PLXNA2: variants seen among roughly 807,000 people sequenced by gnomAD.
The protein encoded by PLXNA2 is plexin A2.
Under a neutral mutation model 193.5 loss-of-function variants are expected in PLXNA2, and 91 were observed. The observed-to-expected ratio is 0.47, with a 90% CI of 0.40 to 0.56. The LOEUF is 0.56. PLXNA2 is among the 20% of genes least tolerant of loss of function. The pLI, the probability that PLXNA2 is intolerant of heterozygous loss-of-function variation, is 0.00. For synonymous variants in PLXNA2, 997 were observed against 1,027.3 expected (o/e 0.97, Z 0.56); for missense variants, 1,995 against 2,503.2 (o/e 0.80, Z 4.33).
intron 1 of PLXNA2, among the ~76,000 whole-genome samples, chr1:208,237,474 CT>C (rs1030620271): frequency 1.3e-5 from 2 of 152,204 alleles, no homozygotes; most frequent in African/African-American, 4.8e-5. Context: ...CACGAAAATC[CT>C]TGGGAGTGTG....
chr1:208,189,895 G>T (rs1199680052), intron 3 of PLXNA2, among the ~76,000 whole-genome samples: 1 of 152,138 alleles, frequency 6.6e-6, no homozygotes, highest in Non-Finnish European at 1.5e-5. Context: ...CTGGAGGTTG[G>T]CAGAGAGAAG....
chr1:208,205,524 C>T (rs1670689178), intron 3 of PLXNA2, among the ~76,000 whole-genome samples: 1 of 152,202 alleles, frequency 6.6e-6, no homozygotes. Flanking sequence ...TTCCAAAGCC[C>T]ACACCCAGGG....
chr1:208,163,875 A>G (rs1475392356), intron 3 of PLXNA2, among the ~76,000 whole-genome samples: 1 of 152,216 alleles, frequency 6.6e-6, no homozygotes, highest in East Asian at 1.9e-4. Flanking sequence ...AATTCTTGCT[A>G]AATGAATTGA....
intron 3 of PLXNA2, among the ~76,000 whole-genome samples, chr1:208,184,486 T>C (rs1393753566): frequency 6.6e-6 from 1 of 150,504 alleles, no homozygotes; most frequent in East Asian, 1.9e-4. Context: ...TGTGGTGTCA[T>C]TACCCTGACT....
At chr1:208,196,858 G>T (rs547163912) in intron 3 of PLXNA2, among the ~76,000 whole-genome samples, 1 of 152,212 alleles carries the variant, frequency 6.6e-6, no homozygotes, top group Non-Finnish European at 1.5e-5. Flanking sequence ...GGCGGGGGTA[G>T]ATGTTGGAAA....
chr1:208,039,896 C>T (rs41283118), intron 23 of PLXNA2, 96 bp downstream of exon 23: 65,555 of 1,578,986 alleles, frequency 0.042, 2,303 homozygotes, highest in Admixed American at 0.14. Flanking sequence ...TTCCTGCTCC[C>T]GAGGGAGGGG....
intron 12 of PLXNA2, among the ~76,000 whole-genome samples, chr1:208,078,735 T>C (rs1416498054): frequency 2.0e-5 from 3 of 152,178 alleles, no homozygotes; most frequent in Non-Finnish European, 2.9e-5. Flanking sequence ...CCAGGATAAT[T>C]AACTTCCTTT....
chr1:208,103,791 A>G (rs1667174774), intron 4 of PLXNA2, among the ~76,000 whole-genome samples: 1 of 152,240 alleles, frequency 6.6e-6, no homozygotes, highest in Non-Finnish European at 1.5e-5. Context: ...CAGTTTCTCT[A>G]GTAAATCTCC....
chr1:208,123,151 T>G (rs1667858160), intron 4 of PLXNA2, among the ~76,000 whole-genome samples: 1 of 152,204 alleles, frequency 6.6e-6, no homozygotes, highest in Non-Finnish European at 1.5e-5. Flanking sequence ...TCTGGGCATT[T>G]CATAGAGATG....
intron 3 of PLXNA2, among the ~76,000 whole-genome samples, chr1:208,151,697 C>A (rs1668768147): frequency 6.6e-6 from 1 of 152,214 alleles, no homozygotes; most frequent in African/African-American, 2.4e-5. Context: ...CATGAATACT[C>A]TTCAAAACTC....
At chr1:208,077,548 C>T (rs1007826885) in intron 12 of PLXNA2, among the ~76,000 whole-genome samples, 3 of 152,168 alleles carry the variant, frequency 2.0e-5, no homozygotes. Context: ...TAAGCTCCCC[C>T]ACACCATGGG....
At chr1:208,105,718 A>G (rs560208630) in intron 4 of PLXNA2, among the ~76,000 whole-genome samples, 88 of 152,314 alleles carry the variant, frequency 5.8e-4, no homozygotes, top group African/African-American at 2.0e-3. Context: ...CTGGGATAAC[A>G]GAGACCCTGG....
intron 1 of PLXNA2, among the ~76,000 whole-genome samples, chr1:208,234,938 T>C (rs553923652): frequency 4.6e-5 from 7 of 152,222 alleles, no homozygotes; most frequent in Non-Finnish European, 8.8e-5. Context: ...ACATCCACTA[T>C]GTGGGCCTGG....
At chr1:208,042,489 T>C in intron 21 of PLXNA2, 123 bp from the exon 22 acceptor site, 1 of 973,880 alleles carries the variant, frequency 1.0e-6, no homozygotes, top group Non-Finnish European at 1.5e-6. Flanking sequence ...TTGAGGCCTA[T>C]AACCAACCCC....
At chr1:208,123,912 T>G (rs968841944) in intron 4 of PLXNA2, among the ~76,000 whole-genome samples, 3 of 152,126 alleles carry the variant, frequency 2.0e-5, no homozygotes, top group African/African-American at 7.2e-5. Context: ...GGGAAGCTAC[T>G]TGGAGAGTTA....
intron 28 of PLXNA2, 86 bp downstream of exon 28, chr1:208,033,233 C>T: frequency 7.8e-7 from 1 of 1,275,510 alleles, no homozygotes; most frequent in Non-Finnish European, 1.1e-6. Context: ...TTGAAGGACA[C>T]ACTCCAGACA....
At chr1:208,221,817 A>G (rs968638423) in intron 1 of PLXNA2, among the ~76,000 whole-genome samples, 2 of 152,166 alleles carry the variant, frequency 1.3e-5, no homozygotes, top group African/African-American at 4.8e-5. Context: ...AGTGCGATAT[A>G]ACAATTAAAT....
chr1:208,119,330 C>A (rs1022152792), intron 4 of PLXNA2, among the ~76,000 whole-genome samples: 14 of 152,178 alleles, frequency 9.2e-5, no homozygotes, highest in Non-Finnish European at 2.1e-4. Flanking sequence ...AGCAACAAAG[C>A]CACCATATCA....
chr1:208,129,349 G>A (rs544738825), intron 4 of PLXNA2, among the ~76,000 whole-genome samples: 1 of 152,278 alleles, frequency 6.6e-6, no homozygotes. Flanking sequence ...TTGCCACAGA[G>A]AGCACCAGGG....
Sources: gnomAD v4.1 joint callset for allele counts (sites outside exome capture counted in the v4.1 genomes callset) on GRCh38, gnomAD v4.1.1 for gene constraint, MANE v1.5 for transcripts, NCBI Gene and HGNC (gene_info 2026-07-23, HGNC 2026-07-21) for gene names.